Variants in TAF3 observed in about 807,000 individuals in gnomAD.
TAF3 encodes TATA-box binding protein associated factor 3, also known as transcription initiation factor TFIID subunit 3.
Under a neutral mutation model 80.6 loss-of-function variants are expected in TAF3, and 7 were observed. The observed-to-expected ratio is 0.09, with a 90% CI of 0.05 to 0.16. TAF3 has a LOEUF of 0.16. Among genes scored for constraint, TAF3 ranks in the 10% least tolerant of loss-of-function variants. TAF3 has a pLI of 1.00. For missense variants in TAF3, 921 were observed against 1,140.2 expected, an observed-to-expected ratio of 0.81 and a Z score of 2.77; for synonymous variants, 444 against 446.1, an observed-to-expected ratio of 1.00 and a Z score of 0.06.
intron 2 of TAF3, among the ~76,000 whole-genome samples, chr10:7,887,306 C>T (rs554139687): frequency 1.3e-5 from 2 of 151,594 alleles, no homozygotes; most frequent in Admixed American, 6.6e-5. Flanking sequence ...AGTTTATGAA[C>T]TGATGCTGTA....
At chr10:7,928,606 G>C (rs537317603) in intron 2 of TAF3, among the ~76,000 whole-genome samples, 2 of 152,168 alleles carry the variant, frequency 1.3e-5, no homozygotes, top group Non-Finnish European at 2.9e-5. Context: ...GATTGCCCTT[G>C]TGTTAATAAC....
chr10:7,995,937 T>C (rs1831883106), intron 4 of TAF3, among the ~76,000 whole-genome samples: 1 of 152,192 alleles, frequency 6.6e-6, no homozygotes, highest in Non-Finnish European at 1.5e-5. Context: ...TTTGGTGTTT[T>C]TTGATCCAAT....
At chr10:7,959,740 A>C (rs1838171421) in intron 2 of TAF3, among the ~76,000 whole-genome samples, 1 of 152,238 alleles carries the variant, frequency 6.6e-6, no homozygotes, top group Admixed American at 6.5e-5. Flanking sequence ...TCCTTCATTC[A>C]AAGGCCTATC....
intron 2 of TAF3, among the ~76,000 whole-genome samples, chr10:7,920,033 C>T (rs1207033545): frequency 6.6e-6 from 1 of 151,828 alleles, no homozygotes; most frequent in Non-Finnish European, 1.5e-5. Flanking sequence ...ATCACTTGAG[C>T]GCAGGAGTTC....
At chr10:7,911,298 A>C (rs918855792) in intron 2 of TAF3, among the ~76,000 whole-genome samples, 2 of 152,244 alleles carry the variant, frequency 1.3e-5, no homozygotes, top group East Asian at 1.9e-4. Context: ...AATCTGGCCT[A>C]ATCTGGGACA....
rs532092871 is a variant in TAF3 at position 7,964,994 on chromosome 10, C to T, written c.1484C>T (p.Pro495Leu). 12 of 1,613,948 alleles carry T rather than the reference C, an allele frequency of 7.4e-6. No individual in the cohort carries two copies. Among genetic ancestry groups the T allele is most frequent in the East Asian group, 4.5e-5 (2 of 44,896 alleles). ...CCCAACTTTCCTTATATCTCTTCTC[C>T]GTCAGTGTCTCCTCCCACTCCCGAA... ...MPPNFPYISSPSVSPPTPEPL... is the reference protein window; with the variant it reads ...MPPNFPYISSLSVSPPTPEPL... Residue 495 changes from proline to leucine, a missense_variant, in exon 3 of 7, where the codon CCG becomes CTG. Coordinates refer to ENST00000344293, the MANE Select transcript of TAF3 (RefSeq NM_031923.4). This position sits in a 1 kb window ranked among gnomAD's most constrained non-coding sequence, Gnocchi z 4.1.
At chr10:7,993,034 T>C (rs928916965) in intron 4 of TAF3, among the ~76,000 whole-genome samples, 6 of 152,232 alleles carry the variant, frequency 3.9e-5, no homozygotes, top group African/African-American at 1.4e-4. Flanking sequence ...CTTGTTACCA[T>C]CTAATACCTG....
At chr10:7,859,135 C>T (rs530364300) in intron 2 of TAF3, among the ~76,000 whole-genome samples, 3 of 151,904 alleles carry the variant, frequency 2.0e-5, no homozygotes, top group South Asian at 4.1e-4. Context: ...GTGGTGGGCA[C>T]CTGTAGTCCC....
chr10:7,967,366 A>G (rs1158525301), intron 3 of TAF3, among the ~76,000 whole-genome samples: 4 of 152,166 alleles, frequency 2.6e-5, no homozygotes, highest in Non-Finnish European at 4.4e-5. Flanking sequence ...GAGTGAAGCC[A>G]TCAGATTAGG....
At chr10:7,839,031 A>T (rs979107931) in intron 2 of TAF3, among the ~76,000 whole-genome samples, 2 of 150,652 alleles carry the variant, frequency 1.3e-5, no homozygotes, top group African/African-American at 2.4e-5. Flanking sequence ...GGTGTTCAGT[A>T]CACGTGTCTT....
rs1836660949 is a variant in TAF3, at chr10:7,819,001, C to T, written c.166+126C>T. On this transcript the variant is annotated intron_variant, in intron 1 of 6. Transcript: ENST00000344293. ...CCCGCCTCGAGATCTGCTGTTTCCT[C>T]GGCCTCCCACGTCCCTGGGCTTCCA... 6.2e-6 allele frequency: 6 copies of T among 965,840 alleles called. No individual in the cohort carries two copies. In the South Asian group the frequency reaches 1.3e-4, roughly 22 times the overall value. 59.8% of individuals were successfully genotyped at this position (965,840 alleles called of 1,614,324 possible).
intron 2 of TAF3, among the ~76,000 whole-genome samples, chr10:7,877,662 A>C (rs2131151331): frequency 6.6e-6 from 1 of 152,302 alleles, no homozygotes; most frequent in African/African-American, 2.4e-5. Flanking sequence ...AGAATTTTAG[A>C]GGTAAAGTGC....
chr10:7,940,876 T>C (rs113953134), intron 2 of TAF3, among the ~76,000 whole-genome samples: 1,662 of 151,700 alleles, frequency 0.011, 20 homozygotes, highest in Middle Eastern at 0.031. Context: ...AGAGGATCAC[T>C]TGGACCCAGG....
At chr10:7,926,593 G>A (rs1837817208) in intron 2 of TAF3, among the ~76,000 whole-genome samples, 1 of 152,096 alleles carries the variant, frequency 6.6e-6, no homozygotes, top group Non-Finnish European at 1.5e-5. Flanking sequence ...GTCTGTTATG[G>A]AGGTTCAGCA....
At chr10:8,013,909 C>T (rs560992287) in intron 6 of TAF3, 72 bp downstream of exon 6, 4 of 1,281,096 alleles carry the variant, frequency 3.1e-6, no homozygotes, top group Non-Finnish European at 4.6e-6. Context: ...GAAGCATCCA[C>T]TGAGTAGATT....
intron 2 of TAF3, among the ~76,000 whole-genome samples, chr10:7,951,243 AC>A (rs1208647952): frequency 6.6e-6 from 1 of 152,160 alleles, no homozygotes; most frequent in Non-Finnish European, 1.5e-5. Context: ...GTAACAAGCC[AC>A]CCCCAAACTT....
intron 4 of TAF3, among the ~76,000 whole-genome samples, chr10:7,981,218 T>C (rs1218986532): frequency 6.6e-6 from 1 of 152,242 alleles, no homozygotes; most frequent in African/African-American, 2.4e-5. Context: ...ACGTCTCTTT[T>C]GCTGCTGTCT....
At position 7,965,334 on chromosome 10, in the gene TAF3, T is replaced by C. The variant is rs929357922; in HGVS notation, c.1824T>C (p.Leu608=). The C allele has an allele frequency of 6.2e-7, 1 of 1,603,682 alleles. No individual in the cohort carries two copies. The highest frequency in any genetic ancestry group is 1.4e-5 in the African/African-American group (1 of 73,822). The change falls in exon 3 of 7, where the codon CTT becomes CTC. Residue 608 remains leucine (L), a synonymous_variant. Transcript: ENST00000344293. The part of the protein sequence containing the change: ...VDPKVKLKDG[L]VRKEKEKHKD... ...CCAAAGTGAAATTGAAAGATGGACT[T>C]GTGAGGAAGGAGAAAGAGAAGCATA...
At chr10:7,877,486 A>C (rs1282852853) in intron 2 of TAF3, among the ~76,000 whole-genome samples, 1 of 152,220 alleles carries the variant, frequency 6.6e-6, no homozygotes, top group Non-Finnish European at 1.5e-5. Flanking sequence ...ACATAGAAAA[A>C]ATTGTCATAG....
Sources: allele counts gnomAD v4.1 joint callset (sites outside exome capture counted in the v4.1 genomes callset), GRCh38; gene constraint gnomAD v4.1.1; non-coding constraint Gnocchi (gnomAD v3.1); transcripts MANE v1.5; gene names NCBI Gene and HGNC (gene_info 2026-07-23, HGNC 2026-07-21).